GON4L: variants seen among roughly 807,000 people sequenced by gnomAD.
GON4L encodes gon-4 like.
Under a neutral mutation model 211.8 loss-of-function variants are expected in GON4L, and 87 were observed. The ratio of observed to expected loss-of-function variants is 0.41; its 90% confidence interval spans 0.35 to 0.49. The LOEUF (loss-of-function observed/expected upper bound fraction) is 0.49. Ranked by LOEUF, GON4L falls within the 20% of genes least tolerant of loss-of-function variation. GON4L has a pLI of 0.15. For synonymous variants in GON4L, 875 were observed against 962.6 expected (o/e 0.91, Z 1.68); for missense variants, 2,155 against 2,659.5 (o/e 0.81, Z 4.17).
At chr1:155,768,034 C>G (rs950569453) in intron 19 of GON4L, among the ~76,000 whole-genome samples, 2 of 152,102 alleles carry the variant, frequency 1.3e-5, no homozygotes, top group African/African-American at 4.8e-5. Flanking sequence ...GAAGGTTGGG[C>G]GTGGTGGTTC....
intron 2 of GON4L, among the ~76,000 whole-genome samples, chr1:155,828,525 T>A (rs1324001702): frequency 7.1e-6 from 1 of 141,446 alleles, no homozygotes; most frequent in Non-Finnish European, 1.6e-5. Context: ...CAAAAAAGAA[T>A]GCTGGGCACA....
chr1:155,781,625 G>T (rs1664436325), intron 14 of GON4L, among the ~76,000 whole-genome samples: 1 of 151,660 alleles, frequency 6.6e-6, no homozygotes, highest in South Asian at 2.1e-4. Flanking sequence ...ACCATGCCTG[G>T]CTAATTTTTT....
At chr1:155,777,476 G>C (rs939589526) in intron 15 of GON4L, 146 bp downstream of exon 15, 7 of 704,826 alleles carry the variant, frequency 9.9e-6, no homozygotes, top group Non-Finnish European at 1.8e-5. Flanking sequence ...CTACTTGGGA[G>C]GCTGAGGCAG....
chr1:155,790,417 G>GT (rs1195241361), intron 12 of GON4L, among the ~76,000 whole-genome samples: 1 of 151,332 alleles, frequency 6.6e-6, no homozygotes, highest in African/African-American at 2.4e-5. Flanking sequence ...TAATTTTAAA[G>GT]TTTTTTGTAG....
In GON4L at chr1:155,826,880, T is replaced by A. The variant is rs774558409; in HGVS notation, c.654A>T (p.Gln218His). 6.8e-6 allele frequency: 11 copies of A among 1,613,248 alleles called. No individual in the cohort carries two copies. Among genetic ancestry groups the A allele is most frequent in the Non-Finnish European group, 9.3e-6 (11 of 1,179,368 alleles). ...CACCATCTTCTATCTCTTCCTCAGG[T>A]TGGTGAAACAGAGTCCTGAGTGGCT... ...QEKPLRTLFH[Q>H]PEEEIEDGGL... is the part of the protein sequence containing the mutation. The change falls in exon 3 of 32, where the codon CAA becomes CAT. Residue 218 changes from glutamine (Q) to histidine (H), a missense_variant. This residue lies in a region of GON4L where 313 missense variants were observed against 293.2 expected (regional missense o/e 1.07). Coordinates refer to ENST00000368331, the MANE Select transcript of GON4L (RefSeq NM_001282860.2).
At chr1:155,754,079 G>A in intron 28 of GON4L, 1 of 416,500 alleles carries the variant, frequency 2.4e-6, no homozygotes, top group East Asian at 5.6e-5. Context: ...AGGATTACTT[G>A]TAGAGACTAT....
intron 11 of GON4L, among the ~76,000 whole-genome samples, chr1:155,802,807 T>C (rs558214353): frequency 2.0e-5 from 3 of 152,196 alleles, no homozygotes; most frequent in East Asian, 1.9e-4. Context: ...AATACAAAAA[T>C]TGGCCGGGCA....
chr1:155,752,715 C>G (rs12134456), intron 29 of GON4L, 125 bp from the exon 30 acceptor site: 485,267 of 1,445,448 alleles, frequency 0.34, 89,755 homozygotes, highest in Middle Eastern at 0.43. Context: ...CATGGTGGCT[C>G]ACACCTATAA....
At chr1:155,850,361 C>T (rs1050249735) in intron 2 of GON4L, among the ~76,000 whole-genome samples, 2 of 152,178 alleles carry the variant, frequency 1.3e-5, no homozygotes, top group Admixed American at 6.5e-5. Flanking sequence ...TTCCTGTCTA[C>T]ATTTCCAGAT....
intron 5 of GON4L, among the ~76,000 whole-genome samples, 196 bp downstream of exon 5, chr1:155,821,278 T>A (rs1018264935): frequency 6.6e-6 from 1 of 150,862 alleles, no homozygotes; most frequent in African/African-American, 2.4e-5. Flanking sequence ...AAAAAAATAA[T>A]AATAATAAAA....
upstream of GON4L, among the ~76,000 whole-genome samples, chr1:155,858,258 TA>T (rs1026730929): frequency 1.3e-5 from 2 of 152,092 alleles, no homozygotes; most frequent in Non-Finnish European, 2.9e-5. Context: ...CCACGGAGAT[TA>T]AAAAAATAAT....
At chr1:155,807,091 C>CAAAAAAA (rs5777956) in intron 10 of GON4L, among the ~76,000 whole-genome samples, 1 of 119,478 alleles carries the variant, frequency 8.4e-6, no homozygotes. Flanking sequence ...AGAGACATCT[C>CAAAAAAA]AAAAAAAAAA....
rs1395575383 is a variant in GON4L at position 155,807,730 on chromosome 1, A to AAAAAAAAAAC, written c.1453-2590_1453-2589insGTTTTTTTTT. 1.1e-4 allele frequency among the ~76,000 whole-genome samples: 16 copies of AAAAAAAAAAC among 143,894 alleles called. 1 individual carries two copies. The highest frequency in any genetic ancestry group is 3.5e-3 in the Middle Eastern group (1 of 284). 94.4% of individuals were successfully genotyped at this position (143,894 alleles called of 152,430 possible). Reference sequence around the variant, plus strand: ...AAAAAAAAAAAAAAAAAAAAAGAAAATCAGAAAGTGTGAGACCTCCATCTT... The same window carrying AAAAAAAAAAC: ...AAAAAAAAAAAAAAAAAAAAAGAAAAAAAAAAAAACTCAGAAAGTGTGAGACCTCCATCTT... On this transcript the variant is annotated intron_variant, in intron 10 of 31. Coordinates refer to ENST00000368331, the MANE Select transcript of GON4L (RefSeq NM_001282860.2).
In GON4L at chr1:155,765,855, T is replaced by C. The variant is rs1295699953; in HGVS notation, c.3618A>G (p.Leu1206=). ...QSLVASSVSP[L]IVSGNSVNLP... is the part of the protein sequence containing the mutation. Reference sequence around the variant, plus strand: ...GATTCACAGAATTGCCAGAAACAATTAAGGGTGAGACAGAGGAGGCCACAA... The same window carrying C: ...GATTCACAGAATTGCCAGAAACAATCAAGGGTGAGACAGAGGAGGCCACAA... Residue 1206 remains leucine (L), a synonymous_variant, in exon 21 of 32, where the codon TTA becomes TTG. Coordinates refer to ENST00000368331, the MANE Select transcript of GON4L (RefSeq NM_001282860.2). The C allele has an allele frequency of 6.2e-7, 1 of 1,613,900 alleles. No homozygotes were observed. The highest frequency in any genetic ancestry group is 1.3e-5 in the African/African-American group (1 of 74,864).
At chr1:155,794,662 C>T (rs753504720) in intron 12 of GON4L, among the ~76,000 whole-genome samples, 28 of 152,156 alleles carry the variant, frequency 1.8e-4, no homozygotes, top group Admixed American at 3.3e-4. Flanking sequence ...CCATATCATA[C>T]ACTAGGAGAT....
chr1:155,849,543 C>CAAA (rs916595257), intron 2 of GON4L, among the ~76,000 whole-genome samples: 26 of 46,986 alleles, frequency 5.5e-4, no homozygotes, highest in Non-Finnish European at 9.4e-4. Flanking sequence ...GACTCTGTCT[C>CAAA]AAAAAAAAAA....
At chr1:155,768,578 T>C (rs1177446662) in intron 19 of GON4L, among the ~76,000 whole-genome samples, 2 of 148,034 alleles carry the variant, frequency 1.4e-5, no homozygotes, top group Non-Finnish European at 3.0e-5. Context: ...ACCACTGCAC[T>C]CCAGCCTGGA....
intron 28 of GON4L, 104 bp from the exon 29 acceptor site, chr1:155,753,518 A>C: frequency 1.3e-6 from 1 of 791,608 alleles, no homozygotes. Context: ...AAGTCAACCC[A>C]CATGCATGTC....
downstream of GON4L, chr1:155,748,507 C>T (rs978451675): frequency 3.9e-4 from 628 of 1,613,826 alleles, 1 homozygote; most frequent in Non-Finnish European, 4.7e-4. Context: ...ATCTGGCTGA[C>T]ATGCTGAGCT....
Sources: allele counts gnomAD v4.1 joint callset (sites outside exome capture counted in the v4.1 genomes callset), GRCh38; gene constraint gnomAD v4.1.1; regional missense constraint gnomAD v4.1.1; transcripts MANE v1.5; gene names NCBI Gene and HGNC (gene_info 2026-07-23, HGNC 2026-07-21).